The following DCDC1 variants were observed in gnomAD, a reference collection of about 807,000 sequenced individuals.
DCDC1 encodes doublecortin domain-containing protein 1.
Under a neutral mutation model 178.3 loss-of-function variants are expected in DCDC1, and 200 were observed. The ratio of observed to expected loss-of-function variants is 1.12; its 90% CI spans 1.00 to 1.26. The LOEUF (loss-of-function observed/expected upper bound fraction) is 1.26. Ranked by LOEUF, DCDC1 falls within the 50% of genes most tolerant of loss-of-function variation. DCDC1 has a pLI of 0.00. For missense variants in DCDC1, 1,983 were observed against 1,749.2 expected (o/e 1.13, Z -2.38); for synonymous variants, 690 against 604.8 (o/e 1.14, Z -2.07).
chr11:31,172,521 A>G (rs1430504322), intron 9 of DCDC1, among the ~76,000 whole-genome samples: 4 of 152,194 alleles, frequency 2.6e-5, no homozygotes, highest in Non-Finnish European at 5.9e-5. Context: ...CCAACACCCC[A>G]TGCAGTCAAA....
chr11:30,947,781 C>T (rs564436336), intron 21 of DCDC1, among the ~76,000 whole-genome samples: 1 of 152,124 alleles, frequency 6.6e-6, no homozygotes, highest in South Asian at 2.1e-4. Context: ...AAAGAGACAA[C>T]CCACAGAATG....
rs570243483 is a variant in DCDC1 at position 30,904,646 on chromosome 11, G to A, written c.4308+315C>T. On this transcript the variant is annotated intron_variant, in intron 31 of 38. Coordinates refer to ENST00000684477, the MANE Select transcript of DCDC1 (RefSeq NM_001387274.1). ...AACTTGAAGCTGGCATGAGAAACAA[G>A]GCAGAAAAAGGCATTCAGTCTATCA... is the stretch of plus-strand genomic sequence containing the variant. 148 of 317,850 alleles carry A rather than the reference G, an allele frequency of 4.7e-4. 1 individual carries two copies. Among genetic ancestry groups the A allele is most frequent in the South Asian group, 4.6e-3 (96 of 20,864 alleles). The allele number at this position is 317,850 out of a possible 1,614,324, so 19.7% of individuals were successfully genotyped here. A position where few individuals can be genotyped will look rare whatever the true frequency, so the allele number is the denominator to read the frequency against.
chr11:30,941,267 T>G (rs989287993), intron 21 of DCDC1, among the ~76,000 whole-genome samples: 2 of 152,160 alleles, frequency 1.3e-5, no homozygotes, highest in African/African-American at 4.8e-5. Context: ...ATGATCCTAT[T>G]TATCCTTAAG....
chr11:31,075,202 A>C (rs183612419), intron 18 of DCDC1, among the ~76,000 whole-genome samples: 1 of 152,250 alleles, frequency 6.6e-6, no homozygotes, highest in Non-Finnish European at 1.5e-5. Flanking sequence ...AGTTGCATCC[A>C]TGTTGCAGCA....
At chr11:31,127,876 A>C (rs946217204) in intron 10 of DCDC1, among the ~76,000 whole-genome samples, 2 of 152,124 alleles carry the variant, frequency 1.3e-5, no homozygotes, top group Non-Finnish European at 2.9e-5. Context: ...GCCCTTTACA[A>C]TTGTTGAATG....
intron 21 of DCDC1, chr11:30,944,143 T>A (rs948738869): frequency 7.4e-5 from 26 of 349,714 alleles, no homozygotes; most frequent in Non-Finnish European, 8.4e-5. Flanking sequence ...ACTGGCTCAA[T>A]GCATAGCCTT....
At chr11:30,983,524 T>A (rs536400765) in intron 20 of DCDC1, among the ~76,000 whole-genome samples, 1 of 152,204 alleles carries the variant, frequency 6.6e-6, no homozygotes, top group African/African-American at 2.4e-5. Context: ...ACATTTGCGA[T>A]CCATTAAAAT....
chr11:30,908,607 G>A (rs951887025), intron 29 of DCDC1, among the ~76,000 whole-genome samples: 4 of 152,032 alleles, frequency 2.6e-5, no homozygotes, highest in South Asian at 2.1e-4. Context: ...ATAATGTCTG[G>A]GGTTGGCAAA....
chr11:31,059,997 C>T (rs1955824259), intron 20 of DCDC1, among the ~76,000 whole-genome samples: 2 of 151,952 alleles, frequency 1.3e-5, no homozygotes. Context: ...ATAACAGTTC[C>T]TTTAGCTGGT....
chr11:31,177,691 T>C (rs917478553), intron 9 of DCDC1, among the ~76,000 whole-genome samples: 1 of 151,912 alleles, frequency 6.6e-6, no homozygotes, highest in Non-Finnish European at 1.5e-5. Flanking sequence ...TAACATTCCA[T>C]GAAAATGGAA....
chr11:31,117,380 G>GAA (rs5790850), intron 11 of DCDC1, among the ~76,000 whole-genome samples: 21 of 145,382 alleles, frequency 1.4e-4, no homozygotes, highest in South Asian at 6.5e-4. Context: ...TTGATTTCAG[G>GAA]AAAAAAAAAA....
chr11:31,037,837 A>G (rs1235201519), intron 20 of DCDC1, among the ~76,000 whole-genome samples: 1 of 151,684 alleles, frequency 6.6e-6, no homozygotes. Context: ...ATTTCCCACA[A>G]TTCATCATGG....
At chr11:31,175,880 A>T (rs1045523461) in intron 9 of DCDC1, among the ~76,000 whole-genome samples, 3 of 152,242 alleles carry the variant, frequency 2.0e-5, no homozygotes, top group Non-Finnish European at 4.4e-5. Context: ...CCTACCCAAC[A>T]GACACCTATC....
In DCDC1 at chr11:31,249,352, T is replaced by C. The variant is rs189207148; in HGVS notation, c.1055-7736A>G. On this transcript the variant is annotated intron_variant, in intron 8 of 38. Coordinates refer to ENST00000684477, the MANE Select transcript of DCDC1 (RefSeq NM_001387274.1). ...AGATGACAGTGATCCAATTATATAATGGGAGATCTCCAACTGCCATTAAAA... is the reference window on the plus strand; with the variant it reads ...AGATGACAGTGATCCAATTATATAACGGGAGATCTCCAACTGCCATTAAAA... 6.0e-3 allele frequency among the ~76,000 whole-genome samples: 916 copies of C among 152,250 alleles called. 12 individuals carry two copies. Among genetic ancestry groups the C allele is most frequent in the African/African-American group, 0.021 (878 of 41,564 alleles).
At chr11:30,910,856 T>C (rs1945396943) in intron 28 of DCDC1, among the ~76,000 whole-genome samples, 1 of 152,200 alleles carries the variant, frequency 6.6e-6, no homozygotes. Flanking sequence ...AATGGGTTGT[T>C]TGGTAGAATT....
rs77521685 is a variant in DCDC1 at position 31,207,986 on chromosome 11, C to G, written c.1221+33464G>C. 2.7e-3 allele frequency among the ~76,000 whole-genome samples: 407 copies of G among 152,260 alleles called. 2 individuals are homozygous for G. The highest frequency in any genetic ancestry group is 9.3e-3 in the African/African-American group (387 of 41,538). On this transcript the variant is annotated intron_variant, in intron 9 of 38. Transcript: ENST00000684477. ...TCTGAGTTTTGTGTCTTAACAACCA[C>G]CTATTCCTTCTCAGCTTCCTTAGTT...
At chr11:31,309,356 C>T (rs533938909) in intron 3 of DCDC1, among the ~76,000 whole-genome samples, 37 of 152,272 alleles carry the variant, frequency 2.4e-4, no homozygotes, top group East Asian at 5.8e-4. Context: ...TGGCAAACAA[C>T]GCCTTGAAAG....
intron 20 of DCDC1, among the ~76,000 whole-genome samples, chr11:31,021,347 C>A (rs1022429159): frequency 6.6e-6 from 1 of 151,996 alleles, no homozygotes; most frequent in African/African-American, 2.4e-5. Context: ...CATTAGAAAG[C>A]AACTTAAATA....
intron 20 of DCDC1, among the ~76,000 whole-genome samples, chr11:31,005,257 T>C (rs1951774643): frequency 6.6e-6 from 1 of 152,200 alleles, no homozygotes. Flanking sequence ...GCATTGTTAG[T>C]CCACCAACAA....
Sources: allele counts gnomAD v4.1 joint callset (sites outside exome capture counted in the v4.1 genomes callset), GRCh38; gene constraint gnomAD v4.1.1; transcripts MANE v1.5; gene names NCBI Gene and HGNC (gene_info 2026-07-23, HGNC 2026-07-21).